Variants in PDE3A observed in about 807,000 individuals in gnomAD.
PDE3A encodes phosphodiesterase 3A.
A neutral mutation model predicts 98.3 loss-of-function variants in PDE3A; 43 were observed. The observed-to-expected ratio is 0.44, with a 90% CI of 0.34 to 0.56. The LOEUF is 0.56. Ranked by LOEUF, PDE3A falls within the 20% of genes least tolerant of loss-of-function variation. PDE3A has a pLI of 0.01. For synonymous variants in PDE3A, 663 were observed against 567.9 expected, an observed-to-expected ratio of 1.17 and a Z score of -2.38; for missense variants, 1,427 against 1,440.7, an observed-to-expected ratio of 0.99 and a Z score of 0.15.
chr12:20,664,369 G>T (rs542199476), intron 15 of PDE3A, among the ~76,000 whole-genome samples: 3 of 152,154 alleles, frequency 2.0e-5, no homozygotes, highest in South Asian at 4.2e-4. Flanking sequence ...ATGATATTCT[G>T]GTTGCTTGGA....
intron 15 of PDE3A, among the ~76,000 whole-genome samples, chr12:20,670,710 G>C (rs1945452669): frequency 7.0e-6 from 1 of 142,154 alleles, no homozygotes; most frequent in Non-Finnish European, 1.5e-5. Flanking sequence ...TGTGTAGAGG[G>C]AAATTTATAG....
At chr12:20,597,824 A>G (rs1398705207) in intron 2 of PDE3A, among the ~76,000 whole-genome samples, 2 of 152,114 alleles carry the variant, frequency 1.3e-5, no homozygotes, top group Non-Finnish European at 2.9e-5. Flanking sequence ...TGTAGATAGT[A>G]CCAGGTACCC....
intron 1 of PDE3A, among the ~76,000 whole-genome samples, chr12:20,475,178 A>AGAGTGT (rs1555150179): frequency 1.1e-5 from 1 of 92,456 alleles, no homozygotes; most frequent in Non-Finnish European, 2.4e-5. Flanking sequence ...AATGTGTGTG[A>AGAGTGT]GTGTGTGTGT....
chr12:20,612,252 T>TAG (rs5796873), intron 2 of PDE3A, among the ~76,000 whole-genome samples: 30 of 151,180 alleles, frequency 2.0e-4, no homozygotes, highest in African/African-American at 7.0e-4. Flanking sequence ...AGTGGCTTTA[T>TAG]ATATATATAT....
chr12:20,374,227 A>C (rs1943530858), intron 1 of PDE3A, among the ~76,000 whole-genome samples: 1 of 152,158 alleles, frequency 6.6e-6, no homozygotes. Flanking sequence ...GGGGGGACAA[A>C]AATTGTAATT....
At chr12:20,415,719 G>C (rs1944411889) in intron 1 of PDE3A, among the ~76,000 whole-genome samples, 1 of 152,198 alleles carries the variant, frequency 6.6e-6, no homozygotes, top group African/African-American at 2.4e-5. Context: ...TTACAGGCGT[G>C]AGCCACCATG....
chr12:20,661,409 A>G (rs982216528), intron 15 of PDE3A, among the ~76,000 whole-genome samples: 1 of 152,230 alleles, frequency 6.6e-6, no homozygotes, highest in Non-Finnish European at 1.5e-5. Flanking sequence ...TGCATAAGTA[A>G]TGAGGAGCCA....
At chr12:20,553,070 G>GGCACTGAT (rs1204624981) in intron 1 of PDE3A, 20 of 1,036,668 alleles carry the variant, frequency 1.9e-5, no homozygotes, top group African/African-American at 3.2e-5. Context: ...CTCGTTCATC[G>GGCACTGAT]GCACTGATTT....
intron 15 of PDE3A, among the ~76,000 whole-genome samples, chr12:20,665,483 A>G (rs930950600): frequency 2.6e-5 from 4 of 152,210 alleles, no homozygotes; most frequent in Non-Finnish European, 5.9e-5. Context: ...TTTTAAATGC[A>G]TACGTGCTGA....
In PDE3A at chr12:20,385,997, T is replaced by A. The variant is rs1160286352; in HGVS notation, c.960+15753T>A. Among the ~76,000 whole-genome samples, 50 of 102,900 alleles carry A rather than the reference T, an allele frequency of 4.9e-4. 1 individual carries two copies. The highest frequency in any genetic ancestry group is 9.2e-4 in the African/African-American group (21 of 22,850). The allele number at this position is 102,900 out of a possible 152,430, so 67.5% of individuals were successfully genotyped here. A position where few individuals can be genotyped will look rare whatever the true frequency, so the allele number is the denominator to read the frequency against. On this transcript the variant is annotated intron_variant, in intron 1 of 15. Transcript: ENST00000359062. ...TTATTAATATATAATATATATAAAA[T>A]ATATATATAAATATATATAAAATAT...
intron 1 of PDE3A, among the ~76,000 whole-genome samples, chr12:20,448,568 A>G (rs569157621): frequency 6.6e-6 from 1 of 152,286 alleles, no homozygotes; most frequent in East Asian, 1.9e-4. Flanking sequence ...AAGACATTTT[A>G]ATATTATGCC....
At chr12:20,618,406 T>A (rs950175708) in intron 4 of PDE3A, among the ~76,000 whole-genome samples, 1 of 135,358 alleles carries the variant, frequency 7.4e-6, no homozygotes, top group Non-Finnish European at 1.6e-5. Flanking sequence ...GAGGAAGGAC[T>A]ACATTGATCA....
At chr12:20,463,477 T>C (rs746055349) in intron 1 of PDE3A, among the ~76,000 whole-genome samples, 6 of 152,216 alleles carry the variant, frequency 3.9e-5, no homozygotes, top group Admixed American at 6.5e-5. Context: ...ATTGCTCAAA[T>C]CTTAATGCTA....
chr12:20,376,294 C>G (rs531983308), intron 1 of PDE3A, among the ~76,000 whole-genome samples: 3 of 151,850 alleles, frequency 2.0e-5, no homozygotes, highest in African/African-American at 7.2e-5. Flanking sequence ...TAGCCCAAGG[C>G]AAGATGGCTT....
At chr12:20,612,172 T>TGTAA (rs1943873574) in intron 2 of PDE3A, among the ~76,000 whole-genome samples, 1 of 151,998 alleles carries the variant, frequency 6.6e-6, no homozygotes, top group Non-Finnish European at 1.5e-5. Context: ...AATCTTTTAC[T>TGTAA]GTTTTGCCAA....
In PDE3A at chr12:20,369,833, T is replaced by A; in HGVS notation, c.549T>A (p.Asp183Glu). The A allele has an allele frequency of 6.2e-7, 1 of 1,611,434 alleles. No individual in the cohort carries two copies. Among genetic ancestry groups the A allele is most frequent in the Non-Finnish European group, 8.5e-7 (1 of 1,179,278 alleles). The change falls in exon 1 of 16, where the codon GAT becomes GAA. Residue 183 changes from aspartate to glutamate, a missense_variant. Around this residue, in one of 3 missense-constraint regions of PDE3A, gnomAD observed 1,012 missense variants for 886.5 expected, o/e 1.14. Coordinates refer to ENST00000359062, the MANE Select transcript of PDE3A (RefSeq NM_000921.5). ...AGATTGGGCTGGGCGTCGGGGAGGA[T>A]CACTTACTCTCACTCCCCGCCGCGG... is the stretch of plus-strand genomic sequence containing the variant. ...LVQIGLGVGE[D>E]HLLSLPAAGV...
chr12:20,527,466 TA>T (rs2121173790), intron 1 of PDE3A, among the ~76,000 whole-genome samples: 1 of 152,286 alleles, frequency 6.6e-6, no homozygotes, highest in South Asian at 2.1e-4. Flanking sequence ...GAGTGCCAGA[TA>T]AATAGAAAGG....
At chr12:20,395,971 C>G (rs1272346774) in intron 1 of PDE3A, among the ~76,000 whole-genome samples, 4 of 152,006 alleles carry the variant, frequency 2.6e-5, no homozygotes, top group African/African-American at 9.7e-5. Flanking sequence ...TCATAGCTCA[C>G]TGTAACCTTG....
chr12:20,562,168 T>C (rs2121287883), intron 2 of PDE3A, among the ~76,000 whole-genome samples: 1 of 152,164 alleles, frequency 6.6e-6, no homozygotes, highest in South Asian at 2.1e-4. Context: ...TTTTTTATTC[T>C]TGAAGGAAAA....
Sources: gnomAD v4.1 joint callset for allele counts (sites outside exome capture counted in the v4.1 genomes callset) on GRCh38, gnomAD v4.1.1 for gene constraint, gnomAD v4.1.1 regional missense constraint, MANE v1.5 for transcripts, NCBI Gene and HGNC (gene_info 2026-07-23, HGNC 2026-07-21) for gene names.